TDRD5: variants seen among roughly 807,000 people sequenced by gnomAD.
TDRD5 encodes tudor domain-containing protein 5.
TDRD5 carries 41 observed loss-of-function variants against 120.6 expected under a neutral mutation model. The ratio of observed to expected loss-of-function variants is 0.34; its 90% CI spans 0.26 to 0.44. The LOEUF (loss-of-function observed/expected upper bound fraction) is 0.44. Ranked by LOEUF, TDRD5 falls within the 20% of genes least tolerant of loss-of-function variation. The pLI is 1.00. For synonymous variants in TDRD5, 430 were observed against 433.7 expected (o/e 0.99, Z 0.11); for missense variants, 1,006 against 1,221.2 (o/e 0.82, Z 2.63).
intron 17 of TDRD5, among the ~76,000 whole-genome samples, chr1:179,678,791 G>C (rs1297582612): frequency 1.3e-5 from 2 of 151,968 alleles, no homozygotes; most frequent in Non-Finnish European, 2.9e-5. Flanking sequence ...GCTCTTTTGG[G>C]ATTTTCTGTA....
intron 14 of TDRD5, among the ~76,000 whole-genome samples, chr1:179,658,363 A>AT (rs769276167): frequency 6.6e-6 from 1 of 152,152 alleles, no homozygotes; most frequent in Non-Finnish European, 1.5e-5. Context: ...AAAATGTTTG[A>AT]TATTACCTTA....
intron 6 of TDRD5, among the ~76,000 whole-genome samples, chr1:179,621,879 A>G (rs1000712820): frequency 6.6e-5 from 10 of 152,204 alleles, no homozygotes; most frequent in African/African-American, 2.2e-4. Flanking sequence ...CTAAGCATCA[A>G]CATCCAGTAA....
chr1:179,681,500 T>A (rs923289441), intron 17 of TDRD5, among the ~76,000 whole-genome samples: 1 of 152,206 alleles, frequency 6.6e-6, no homozygotes, highest in Non-Finnish European at 1.5e-5. Context: ...ATGAGAAATG[T>A]CTTTTATGTT....
intron 4 of TDRD5, among the ~76,000 whole-genome samples, chr1:179,597,814 T>G (rs997615248): frequency 6.6e-6 from 1 of 151,644 alleles, no homozygotes; most frequent in African/African-American, 2.4e-5. Context: ...CAGTTATTCC[T>G]TATTAATTTG....
chr1:179,633,819 T>C (rs1677597914), intron 7 of TDRD5, among the ~76,000 whole-genome samples: 2 of 152,088 alleles, frequency 1.3e-5, no homozygotes, highest in Non-Finnish European at 1.5e-5. Context: ...CCTGTTTAAT[T>C]TGAACAAGAA....
intron 17 of TDRD5, among the ~76,000 whole-genome samples, chr1:179,673,028 G>T (rs1259662435): frequency 6.6e-6 from 1 of 152,114 alleles, no homozygotes; most frequent in Non-Finnish European, 1.5e-5. Context: ...GTCAGGTAAT[G>T]TGATGTCTCC....
At chr1:179,606,069 A>G (rs928122692) in intron 4 of TDRD5, among the ~76,000 whole-genome samples, 3 of 151,916 alleles carry the variant, frequency 2.0e-5, no homozygotes, top group Admixed American at 6.6e-5. Flanking sequence ...TGATGAGTGA[A>G]TGTTTCTGTT....
rs139104991 is a variant in TDRD5 at position 179,658,899 on chromosome 1, A to G, written c.2323-3205A>G. Among the ~76,000 whole-genome samples the G allele has an allele frequency of 2.7e-3, 418 of 152,304 alleles. 3 individuals carry two copies. The highest frequency in any genetic ancestry group is 9.5e-3 in the African/African-American group (395 of 41,578). On this transcript the variant is annotated intron_variant, in intron 14 of 17. Transcript: ENST00000444136. Reference sequence around the variant, plus strand: ...CTTTTCTAATATAAGCATTGATGCTATGAGTCTCTACATATCACTTTAGCT... The same window carrying G: ...CTTTTCTAATATAAGCATTGATGCTGTGAGTCTCTACATATCACTTTAGCT...
intron 11 of TDRD5, among the ~76,000 whole-genome samples, chr1:179,642,033 C>G (rs1678076616): frequency 1.3e-5 from 2 of 152,066 alleles, no homozygotes; most frequent in African/African-American, 4.8e-5. Context: ...TCATTACTTT[C>G]ATATCAGCCA....
intron 4 of TDRD5, among the ~76,000 whole-genome samples, chr1:179,604,127 T>G (rs1240944290): frequency 6.6e-6 from 1 of 152,166 alleles, no homozygotes; most frequent in Non-Finnish European, 1.5e-5. Context: ...TTCCAGGAAT[T>G]TATCCATGTC....
chr1:179,658,009 C>T (rs114400953), intron 14 of TDRD5, among the ~76,000 whole-genome samples: 1 of 152,266 alleles, frequency 6.6e-6, no homozygotes, highest in Non-Finnish European at 1.5e-5. Context: ...CCCAATCCCT[C>T]CACCTCCTAG....
intron 16 of TDRD5, among the ~76,000 whole-genome samples, chr1:179,665,275 A>C (rs986140499): frequency 6.6e-6 from 1 of 151,986 alleles, no homozygotes; most frequent in Non-Finnish European, 1.5e-5. Context: ...CGATTTTTTT[A>C]TTTGGTTGCT....
chr1:179,639,779 A>G, intron 9 of TDRD5, 60 bp from the exon 10 acceptor site: 1 of 1,557,112 alleles, frequency 6.4e-7, no homozygotes, highest in Non-Finnish European at 8.7e-7. Context: ...ATACATTGAT[A>G]AAAATTATCT....
chr1:179,631,662 C>T lies in TDRD5; in HGVS notation c.1126+742C>T, dbSNP rs187401274. The stretch of plus-strand genomic sequence containing the variant: ...GTACAGAGTTCCCAAAAACCTTTCA[C>T]CCAGTTTCTTCCAATATTAATGCCT... On this transcript the variant is annotated intron_variant, in intron 7 of 17. Coordinates refer to ENST00000444136, the MANE Select transcript of TDRD5 (RefSeq NM_001199085.3). 2.5e-3 allele frequency among the ~76,000 whole-genome samples: 381 copies of T among 152,150 alleles called. 2 individuals are homozygous for T. Among genetic ancestry groups the T allele is most frequent in the Middle Eastern group, 6.8e-3 (2 of 294 alleles).
chr1:179,647,158 A>G (rs1276881782), intron 11 of TDRD5, among the ~76,000 whole-genome samples: 1 of 147,948 alleles, frequency 6.8e-6, no homozygotes, highest in Non-Finnish European at 1.5e-5. Context: ...TCCTGAGCCA[A>G]AAGAACAAAG....
chr1:179,603,033 T>C (rs1299904996), intron 4 of TDRD5, among the ~76,000 whole-genome samples: 2 of 152,212 alleles, frequency 1.3e-5, no homozygotes, highest in African/African-American at 4.8e-5. Flanking sequence ...TCCATTTGTT[T>C]GTTTCATCTA....
chr1:179,602,937 G>A (rs1675794875), intron 4 of TDRD5, among the ~76,000 whole-genome samples: 1 of 152,048 alleles, frequency 6.6e-6, no homozygotes, highest in African/African-American at 2.4e-5. Flanking sequence ...TTATGATGGG[G>A]ATTCCGTTGA....
chr1:179,643,501 G>A (rs563009562), intron 11 of TDRD5, among the ~76,000 whole-genome samples: 42 of 152,276 alleles, frequency 2.8e-4, no homozygotes, highest in Middle Eastern at 6.8e-3. Flanking sequence ...AGGAATTTCT[G>A]CAGAAAGAAA....
At chr1:179,611,236 G>A (rs2101945377) in intron 4 of TDRD5, among the ~76,000 whole-genome samples, 1 of 152,106 alleles carries the variant, frequency 6.6e-6, no homozygotes, top group East Asian at 1.9e-4. Flanking sequence ...TTTTTTGGTA[G>A]AGATGGGGTT....
Sources: gnomAD v4.1 joint callset for allele counts (sites outside exome capture counted in the v4.1 genomes callset) on GRCh38, gnomAD v4.1.1 for gene constraint, MANE v1.5 for transcripts, NCBI Gene and HGNC (gene_info 2026-07-23, HGNC 2026-07-21) for gene names.